The following GBF1 variants were observed in gnomAD, a reference collection of about 807,000 sequenced individuals.
The protein encoded by GBF1 is Golgi-specific brefeldin A-resistance guanine nucleotide exchange factor 1.
GBF1 carries 114 observed loss-of-function variants against 210.5 expected under a neutral mutation model. The ratio of observed to expected loss-of-function variants is 0.54; its 90% CI spans 0.47 to 0.63. The LOEUF (loss-of-function observed/expected upper bound fraction) is 0.63. Ranked by LOEUF, GBF1 falls within the 30% of genes least tolerant of loss-of-function variation. The pLI, the probability that GBF1 is intolerant of heterozygous loss-of-function variation, is 0.00. For synonymous variants in GBF1, 850 were observed against 889.2 expected (o/e 0.96, Z 0.78); for missense variants, 1,851 against 2,357.7 (o/e 0.79, Z 4.45).
At chr10:102,373,042 C>G (rs951213591) in intron 29 of GBF1, among the ~76,000 whole-genome samples, 6 of 152,126 alleles carry the variant, frequency 3.9e-5, no homozygotes, top group Admixed American at 3.3e-4. Context: ...AAGTTTTGTT[C>G]TATGAGAGCC....
chr10:102,302,135 C>T (rs1276361962), intron 3 of GBF1, among the ~76,000 whole-genome samples: 9 of 152,310 alleles, frequency 5.9e-5, no homozygotes, highest in East Asian at 1.9e-4. Flanking sequence ...CGTGGCGGCG[C>T]GCGCCTGCAA....
chr10:102,298,125 G>C (rs1204936263), intron 3 of GBF1, among the ~76,000 whole-genome samples: 1 of 152,042 alleles, frequency 6.6e-6, no homozygotes, highest in East Asian at 1.9e-4. Context: ...AGTAGAGACG[G>C]GGTTTCACTG....
chr10:102,309,827 A>G (rs768650774), intron 3 of GBF1, among the ~76,000 whole-genome samples: 2 of 152,174 alleles, frequency 1.3e-5, no homozygotes, highest in Non-Finnish European at 2.9e-5. Context: ...ATCTGTTGGC[A>G]TAAAATTTTA....
chr10:102,364,515 T>C (rs2059802600), intron 17 of GBF1, among the ~76,000 whole-genome samples: 1 of 148,148 alleles, frequency 6.8e-6, no homozygotes, highest in South Asian at 2.3e-4. Flanking sequence ...TGAGCCACCA[T>C]GTCTGGCCTG....
chr10:102,377,917 C>G (rs1438782706), intron 33 of GBF1, among the ~76,000 whole-genome samples: 1 of 151,972 alleles, frequency 6.6e-6, no homozygotes, highest in Non-Finnish European at 1.5e-5. Context: ...AATAGAATAA[C>G]CATACAAAAA....
intron 3 of GBF1, among the ~76,000 whole-genome samples, chr10:102,342,585 G>A (rs1252514352): frequency 6.6e-6 from 1 of 152,006 alleles, no homozygotes; most frequent in Non-Finnish European, 1.5e-5. Flanking sequence ...TTAATCTGAG[G>A]AGCAGCCGGG....
At chr10:102,305,013 GAAAGAA>G (rs2077721859) in intron 3 of GBF1, among the ~76,000 whole-genome samples, 1 of 59,848 alleles carries the variant, frequency 1.7e-5, no homozygotes, top group African/African-American at 6.4e-5. Context: ...AAGAAAGAAA[GAAAGAA>G]AAAGAATAAA....
At chr10:102,293,707 A>G (rs1214969893) in intron 3 of GBF1, among the ~76,000 whole-genome samples, 1 of 151,598 alleles carries the variant, frequency 6.6e-6, no homozygotes, top group Non-Finnish European at 1.5e-5. Flanking sequence ...AAATTTAAAA[A>G]TAGAAGAAAC....
intron 7 of GBF1, 100 bp downstream of exon 7, chr10:102,352,618 C>T (rs2059065926): frequency 2.6e-6 from 2 of 779,532 alleles, no homozygotes; most frequent in South Asian, 2.8e-5. Flanking sequence ...CCCACAGCCG[C>T]ATCAGAGGCC....
At position 102,367,059 on chromosome 10, in the gene GBF1, C is replaced by T. The variant is rs1340404086; in HGVS notation, c.2434-26C>T. 9 of 1,612,758 alleles carry T rather than the reference C, an allele frequency of 5.6e-6. No individual in the cohort carries two copies. The African/African-American group carries it at 1.1e-4, about 19-fold the overall frequency. Reference sequence around the variant, plus strand: ...TTAATTGGCCAGAGAAGGGCATTGACACAGGCGGGATCTTTGCTTTTTCAG... The same window carrying T: ...TTAATTGGCCAGAGAAGGGCATTGATACAGGCGGGATCTTTGCTTTTTCAG... On this transcript the variant is annotated intron_variant, in intron 19 of 39. Transcript: ENST00000369983.
chr10:102,248,606 C>A (rs2071124783), intron 1 of GBF1, among the ~76,000 whole-genome samples: 1 of 151,780 alleles, frequency 6.6e-6, no homozygotes, highest in Non-Finnish European at 1.5e-5. Context: ...TACTGGACAA[C>A]CCATGCCTTT....
At chr10:102,243,433 G>A (rs2070587633), upstream of GBF1, among the ~76,000 whole-genome samples, 1 of 152,192 alleles carries the variant, frequency 6.6e-6, no homozygotes, top group African/African-American at 2.4e-5. Context: ...CTGGTAAGAT[G>A]ATGATTAGTG....
At chr10:102,259,946 TG>T in intron 2 of GBF1, 103 bp from the exon 3 acceptor site, 3 of 664,918 alleles carry the variant, frequency 4.5e-6, no homozygotes, top group Non-Finnish European at 8.1e-6. Flanking sequence ...AAAACTTAAA[TG>T]ATTTTCTGAT....
chr10:102,249,054 T>C (rs72845642), intron 1 of GBF1, among the ~76,000 whole-genome samples: 214 of 152,350 alleles, frequency 1.4e-3, no homozygotes, highest in Non-Finnish European at 2.7e-3. Flanking sequence ...TTTAGATCAT[T>C]GTGTTTTCTA....
chr10:102,380,296 G>C lies in GBF1; in HGVS notation c.4926G>C (p.Ala1642=). The change falls in exon 37 of 40, where the codon GCG becomes GCC. Residue 1642 remains alanine (A), a synonymous_variant. Coordinates refer to ENST00000369983, the MANE Select transcript of GBF1 (RefSeq NM_001377137.1). The stretch of plus-strand genomic sequence containing the variant: ...CACTGCTGTCACTCTCTACCTTTGC[G>C]GCCCTCTGGCTCACCATCTTGGACT... ...LSPLLSLSTF[A]ALWLTILDFM... 6.2e-7 allele frequency: 1 copy of C among 1,614,022 alleles called. No individual in the cohort carries two copies. Among genetic ancestry groups the C allele is most frequent in the Non-Finnish European group, 8.5e-7 (1 of 1,179,954 alleles).
intron 4 of GBF1, among the ~76,000 whole-genome samples, chr10:102,345,256 TGAGCAACAGAGC>T (rs1201661138): frequency 2.9e-5 from 4 of 139,994 alleles, no homozygotes; most frequent in African/African-American, 1.1e-4. Context: ...TACTCTAACC[TGAGCAACAGAGC>T]GAGACTCTGT....
At chr10:102,257,235 A>G (rs1315830921) in intron 1 of GBF1, among the ~76,000 whole-genome samples, 1 of 152,164 alleles carries the variant, frequency 6.6e-6, no homozygotes, top group African/African-American at 2.4e-5. Flanking sequence ...GAACTTTTCA[A>G]AGGTCTTGTC....
At chr10:102,325,545 C>T (rs1244440805) in intron 3 of GBF1, among the ~76,000 whole-genome samples, 2 of 120,818 alleles carry the variant, frequency 1.7e-5, no homozygotes, top group African/African-American at 6.1e-5. Flanking sequence ...AGCAAGACTC[C>T]GTCTCAAAAA....
intron 30 of GBF1, among the ~76,000 whole-genome samples, chr10:102,375,805 C>CTGTCCTGAGGACTGATT (rs1207662285): frequency 6.6e-6 from 1 of 152,094 alleles, no homozygotes; most frequent in Non-Finnish European, 1.5e-5. Context: ...AGGCTTCCTA[C>CTGTCCTGAGGACTGATT]TGTCCTGAGG....
Sources: gnomAD v4.1 joint callset for allele counts (sites outside exome capture counted in the v4.1 genomes callset) on GRCh38, gnomAD v4.1.1 for gene constraint, MANE v1.5 for transcripts, NCBI Gene and HGNC (gene_info 2026-07-23, HGNC 2026-07-21) for gene names.